RAMP3: variants seen among roughly 807,000 people sequenced by gnomAD.
RAMP3 encodes the protein receptor activity-modifying protein 3.
In RAMP3, 14 loss-of-function variants were observed where a neutral mutation model predicts 13.5. That is an observed-to-expected ratio of 1.04 (90% CI 0.69 to 1.63). RAMP3 has a LOEUF of 1.63. Among genes scored for constraint, RAMP3 ranks in the 40% most tolerant of loss-of-function variants. The pLI is 0.00. For missense variants in RAMP3, 200 were observed against 204.8 expected (o/e 0.98, Z 0.14); for synonymous variants, 106 against 88.3 (o/e 1.20, Z -1.12).
At chr7:45,159,450 T>C (rs1785823331) in intron 1 of RAMP3, among the ~76,000 whole-genome samples, 1 of 152,092 alleles carries the variant, frequency 6.6e-6, no homozygotes, top group Admixed American at 6.6e-5. Flanking sequence ...GCAGGGAGGG[T>C]GCAGGCCTCT....
At chr7:45,166,581 T>G (rs183425959) in intron 1 of RAMP3, among the ~76,000 whole-genome samples, 2 of 152,338 alleles carry the variant, frequency 1.3e-5, no homozygotes, top group Non-Finnish European at 2.9e-5. Flanking sequence ...ATATACAACT[T>G]GCATATATTT....
chr7:45,162,791 T>C (rs1195361510), intron 1 of RAMP3, among the ~76,000 whole-genome samples: 1 of 152,120 alleles, frequency 6.6e-6, no homozygotes, highest in African/African-American at 2.4e-5. Flanking sequence ...AATGGGGACA[T>C]TGAGGCTCAG....
In RAMP3 at chr7:45,160,755, G is replaced by A. The variant is rs116428133; in HGVS notation, c.58+2869G>A. ...CCCTGAGACAAAAGAAACACAGGCCGGCATGTTCTTTGTTTCCCAATGAAA... is the reference window on the plus strand; with the variant it reads ...CCCTGAGACAAAAGAAACACAGGCCAGCATGTTCTTTGTTTCCCAATGAAA... On this transcript the variant is annotated intron_variant, in intron 1 of 2. Transcript: ENST00000242249. 7.7e-3 allele frequency among the ~76,000 whole-genome samples: 1,174 copies of A among 152,306 alleles called. 14 individuals are homozygous for A. Among genetic ancestry groups the A allele is most frequent in the African/African-American group, 0.027 (1,112 of 41,554 alleles).
At chr7:45,172,626 C>A (rs553633176) in intron 1 of RAMP3, among the ~76,000 whole-genome samples, 54 of 152,302 alleles carry the variant, frequency 3.5e-4, no homozygotes, top group Non-Finnish European at 7.5e-4. Flanking sequence ...CAGGTGCACG[C>A]CTCCTTGTCT....
At chr7:45,182,439 G>A (rs112746812) in intron 2 of RAMP3, among the ~76,000 whole-genome samples, 1,843 of 152,274 alleles carry the variant, frequency 0.012, 34 homozygotes, top group African/African-American at 0.042. Flanking sequence ...TGACCTCTGG[G>A]TCTTGGTGGC....
chr7:45,162,294 A>G (rs1267114894), intron 1 of RAMP3, among the ~76,000 whole-genome samples: 1 of 152,204 alleles, frequency 6.6e-6, no homozygotes, highest in Non-Finnish European at 1.5e-5. Context: ...GTACTCCAGA[A>G]TCTGTTGCAG....
rs564228724 is a variant in RAMP3, at chr7:45,167,026, C to T, written c.58+9140C>T. Among the ~76,000 whole-genome samples the T allele has an allele frequency of 6.0e-3, 833 of 139,544 alleles. 11 individuals are homozygous for T. The highest frequency in any genetic ancestry group is 0.022 in the African/African-American group (795 of 35,742). The allele number at this position is 139,544 out of a possible 152,430, so 91.5% of individuals were successfully genotyped here. A position where few individuals can be genotyped will look rare whatever the true frequency, so the allele number is the denominator to read the frequency against. On this transcript the variant is annotated intron_variant, in intron 1 of 2. Coordinates refer to ENST00000242249, the MANE Select transcript of RAMP3 (RefSeq NM_005856.3). ...AGGCTGGAGTGCAGTGGTATGATCTCCGCTCACTGCAAGCTCCGCCTCCTG... is the reference window on the plus strand; with the variant it reads ...AGGCTGGAGTGCAGTGGTATGATCTTCGCTCACTGCAAGCTCCGCCTCCTG...
chr7:45,166,008 G>GAAAAAAA, intron 1 of RAMP3, among the ~76,000 whole-genome samples: 1 of 152,124 alleles, frequency 6.6e-6, no homozygotes, highest in Non-Finnish European at 1.5e-5. Flanking sequence ...ATCTGTGTGT[G>GAAAAAAA]AACATGTGCG....
intron 2 of RAMP3, among the ~76,000 whole-genome samples, chr7:45,181,186 C>T (rs1383837435): frequency 1.3e-5 from 2 of 152,230 alleles, no homozygotes; most frequent in East Asian, 3.8e-4. Flanking sequence ...TGACATGGCC[C>T]ATACCACAAA....
At chr7:45,182,567 AG>A (rs1225308931) in intron 2 of RAMP3, among the ~76,000 whole-genome samples, 1 of 152,180 alleles carries the variant, frequency 6.6e-6, no homozygotes, top group African/African-American at 2.4e-5. Context: ...GGGGACCCAC[AG>A]GAGGGGGCTC....
chr7:45,182,109 T>A (rs1786328653), intron 2 of RAMP3, among the ~76,000 whole-genome samples: 1 of 152,188 alleles, frequency 6.6e-6, no homozygotes, highest in Non-Finnish European at 1.5e-5. Flanking sequence ...AGGAGGCAGC[T>A]CTTTCCTGTT....
At chr7:45,181,431 C>T (rs1361035198) in intron 2 of RAMP3, among the ~76,000 whole-genome samples, 3 of 152,226 alleles carry the variant, frequency 2.0e-5, no homozygotes, top group East Asian at 1.9e-4. Flanking sequence ...CCTGTAGACT[C>T]GCTGTCCACA....
At chr7:45,173,228 C>T (rs573209966) in intron 1 of RAMP3, among the ~76,000 whole-genome samples, 99 of 152,300 alleles carry the variant, frequency 6.5e-4, no homozygotes, top group African/African-American at 2.4e-3. Flanking sequence ...TTTATCCAGG[C>T]TTTCAGTTGT....
At chr7:45,171,645 C>T (rs1786084934) in intron 1 of RAMP3, among the ~76,000 whole-genome samples, 1 of 151,936 alleles carries the variant, frequency 6.6e-6, no homozygotes, top group Non-Finnish European at 1.5e-5. Context: ...CTTGCTCTGT[C>T]ACCCGGGCTG....
chr7:45,165,433 G>T (rs1269038840), intron 1 of RAMP3, among the ~76,000 whole-genome samples: 2 of 152,088 alleles, frequency 1.3e-5, no homozygotes, highest in Non-Finnish European at 2.9e-5. Context: ...CTTCTGATAG[G>T]CTTTCCTAAA....
chr7:45,166,756 T>C (rs1415695578), intron 1 of RAMP3, among the ~76,000 whole-genome samples: 1 of 152,086 alleles, frequency 6.6e-6, no homozygotes, highest in East Asian at 1.9e-4. Flanking sequence ...AAAGATTTTC[T>C]CCTGTATTTT....
chr7:45,181,211 G>A (rs1233578902), intron 2 of RAMP3, among the ~76,000 whole-genome samples: 2 of 152,236 alleles, frequency 1.3e-5, no homozygotes, highest in African/African-American at 4.8e-5. Context: ...GTGAGTGGCT[G>A]AGCTGGAGTT....
At chr7:45,159,028 T>G (rs1217771921) in intron 1 of RAMP3, among the ~76,000 whole-genome samples, 49 of 152,218 alleles carry the variant, frequency 3.2e-4, no homozygotes, top group Non-Finnish European at 2.9e-5. Context: ...GTCCTCTCAA[T>G]TCATTCTGGG....
chr7:45,183,254 C>T lies in RAMP3; in HGVS notation c.289C>T (p.His97Tyr). The part of the protein sequence containing the change: ...PLAQGFITGI[H>Y]RQFFSNCTVD... The stretch of plus-strand genomic sequence containing the variant: ...GGCCCAGGGCTTCATCACCGGCATC[C>T]ACAGGCAGTTCTTCTCCAACTGCAC... Residue 97 changes from histidine to tyrosine, a missense_variant, in exon 3 of 3, where the codon CAC (histidine) becomes TAC (tyrosine). Coordinates refer to ENST00000242249, the MANE Select transcript of RAMP3 (RefSeq NM_005856.3). The T allele has an allele frequency of 3.1e-6, 5 of 1,614,058 alleles. No individual in the cohort carries two copies. Among genetic ancestry groups the T allele is most frequent in the South Asian group, 1.1e-5 (1 of 91,090 alleles).
Sources: allele counts gnomAD v4.1 joint callset (sites outside exome capture counted in the v4.1 genomes callset), GRCh38; gene constraint gnomAD v4.1.1; transcripts MANE v1.5; gene names NCBI Gene and HGNC (gene_info 2026-07-23, HGNC 2026-07-21).